Variants in LIPA observed in about 807,000 individuals in gnomAD.
LIPA encodes lipase A, lysosomal acid type, also known as lysosomal acid lipase/cholesteryl ester hydrolase.
A neutral mutation model predicts 40.6 loss-of-function variants in LIPA; 26 were observed. The observed-to-expected ratio is 0.64, with a 90% CI of 0.47 to 0.89. LIPA has a LOEUF of 0.89. LIPA is among the 40% of genes least tolerant of loss of function. LIPA has a pLI of 0.00. For synonymous variants in LIPA, 188 were observed against 168.4 expected (o/e 1.12, Z -0.90); for missense variants, 455 against 479.6 (o/e 0.95, Z 0.48).
chr10:89,355,766 G>A (rs1843985223), intron 2 of LIPA, among the ~76,000 whole-genome samples: 1 of 152,182 alleles, frequency 6.6e-6, no homozygotes, highest in Admixed American at 6.5e-5. Flanking sequence ...CTCATTATAT[G>A]CTAATTATAA....
chr10:89,406,525 T>C (rs541496431), intron 2 of LIPA: 3 of 152,410 alleles, frequency 2.0e-5, no homozygotes, highest in Admixed American at 1.3e-4. Context: ...GCTGTAACAC[T>C]CACCACGAAG....
chr10:89,407,256 C>A (rs776234954), intron 2 of LIPA, among the ~76,000 whole-genome samples: 7 of 152,166 alleles, frequency 4.6e-5, no homozygotes, highest in Non-Finnish European at 1.0e-4. Context: ...TCTACCCTAA[C>A]CCTTGCCTCC....
chr10:89,396,585 C>A (rs537961897), intron 2 of LIPA, among the ~76,000 whole-genome samples: 3 of 152,150 alleles, frequency 2.0e-5, no homozygotes, highest in Non-Finnish European at 4.4e-5. Context: ...AGAATGGCAC[C>A]AGGTCATTCA....
At chr10:89,271,927 A>G (rs979703717) in intron 1 of LIPA, among the ~76,000 whole-genome samples, 6 of 151,818 alleles carry the variant, frequency 4.0e-5, no homozygotes, top group African/African-American at 1.5e-4. Context: ...AAAACTAACC[A>G]GATACATTGT....
In LIPA at chr10:89,397,643, T is replaced by C. The variant is rs542953578; in HGVS notation, c.61+15148A>G. On this transcript the variant is annotated intron_variant, in intron 2 of 8. Coordinates refer to the LIPA transcript ENST00000371837. The stretch of plus-strand genomic sequence containing the variant: ...CTCCTGCCTTGGCCTCCCAAAGTGC[T>C]AAGATTATAGGCATGAGTCATTGTC... Among the ~76,000 whole-genome samples, 16 of 152,270 alleles carry C rather than the reference T, an allele frequency of 1.1e-4. 1 individual carries two copies. The highest frequency in any genetic ancestry group is 3.4e-3 in the Middle Eastern group (1 of 294).
chr10:89,222,442 G>C, intron 8 of LIPA, 69 bp downstream of exon 8: 1 of 941,184 alleles, frequency 1.1e-6, no homozygotes, highest in Non-Finnish European at 1.8e-6. Context: ...ATTTGGAAAG[G>C]GTTTGCATGC....
chr10:89,332,104 G>A (rs890469556), intron 1 of LIPA, among the ~76,000 whole-genome samples: 7 of 152,110 alleles, frequency 4.6e-5, no homozygotes, highest in African/African-American at 2.4e-5. Context: ...GGTGGTGCAC[G>A]TCTGTAATCC....
In LIPA at chr10:89,247,406, AAAAAAT is replaced by A. The variant is rs1416591844; in HGVS notation, c.111+126_111+131del. 1.5e-4 allele frequency: 82 copies of A among 552,300 alleles called. No homozygotes were observed. The African/African-American group carries it at 1.8e-3, about 12-fold the overall frequency. The allele number at this position is 552,300 out of a possible 1,614,324, so 34.2% of individuals were successfully genotyped here. On this transcript the variant is annotated intron_variant, in intron 2 of 9. Transcript: ENST00000336233. ...AAAAAAAAAAAAAAAAAAAAAAAAA[AAAAAAT>A]TCAGAGAAATTGAAAAGCAAAGGAG...
At chr10:89,266,057 CATATG>C (rs1243893708) in intron 1 of LIPA, among the ~76,000 whole-genome samples, 3 of 152,192 alleles carry the variant, frequency 2.0e-5, no homozygotes, top group Admixed American at 6.5e-5. Context: ...ATGTTTTCTA[CATATG>C]ATATATGTTT....
At chr10:89,367,523 T>C (rs1844064959) in intron 2 of LIPA, among the ~76,000 whole-genome samples, 1 of 152,236 alleles carries the variant, frequency 6.6e-6, no homozygotes, top group African/African-American at 2.4e-5. Context: ...ATATTGTTCC[T>C]TCTTGGTTAA....
At chr10:89,295,898 T>C (rs1185163553) in intron 1 of LIPA, among the ~76,000 whole-genome samples, 1 of 152,238 alleles carries the variant, frequency 6.6e-6, no homozygotes, top group African/African-American at 2.4e-5. Context: ...ACCCAGCTAC[T>C]AAATCAGCTG....
intron 3 of LIPA, among the ~76,000 whole-genome samples, chr10:89,239,735 T>G (rs1228813314): frequency 2.0e-5 from 3 of 152,230 alleles, no homozygotes; most frequent in Non-Finnish European, 4.4e-5. Flanking sequence ...ATTATCATAA[T>G]TAGAGTTTTC....
At chr10:89,385,160 G>A (rs1430255495) in intron 2 of LIPA, 1 of 159,302 alleles carries the variant, frequency 6.3e-6, no homozygotes, top group Non-Finnish European at 1.4e-5. Flanking sequence ...TTCCTGAGTG[G>A]TTACCCTCAA....
In LIPA at chr10:89,223,819, T is replaced by C; in HGVS notation, c.687A>G (p.Gly229=). 6.2e-7 allele frequency: 1 copy of C among 1,614,050 alleles called. No individual in the cohort carries two copies. The highest frequency in any genetic ancestry group is 8.5e-7 in the Non-Finnish European group (1 of 1,179,984). Residue 229 remains glycine (G), a synonymous_variant, in exon 7 of 10, where the codon GGA becomes GGG. Coordinates refer to ENST00000336233, the MANE Select transcript of LIPA (RefSeq NM_000235.4). ...CACTCTGGGGAAGAAATTCTTTGTC[T>C]CCAAATAAGTCCTACAAAATAAAAA... ...LPDHLIKDLF[G]DKEFLPQSAF...
At chr10:89,234,760 C>T (rs1027370096) in intron 3 of LIPA, among the ~76,000 whole-genome samples, 1 of 152,238 alleles carries the variant, frequency 6.6e-6, no homozygotes, top group Non-Finnish European at 1.5e-5. Flanking sequence ...TCACATCTTC[C>T]AGTGAACTAT....
At chr10:89,390,451 G>T (rs1045279660) in intron 2 of LIPA, among the ~76,000 whole-genome samples, 1 of 152,176 alleles carries the variant, frequency 6.6e-6, no homozygotes, top group Non-Finnish European at 1.5e-5. Context: ...CTCAGCTGAG[G>T]AAATTGAGAT....
chr10:89,226,420 A>G (rs1480269777), intron 5 of LIPA, among the ~76,000 whole-genome samples: 1 of 152,198 alleles, frequency 6.6e-6, no homozygotes, highest in African/African-American at 2.4e-5. Context: ...ATTTTCTTTA[A>G]TTTTGCTAAA....
intron 2 of LIPA, chr10:89,383,572 G>A: frequency 6.2e-7 from 1 of 1,614,212 alleles, no homozygotes; most frequent in Non-Finnish European, 8.5e-7. Context: ...GAAAGAACAT[G>A]CCAACCAAGC....
chr10:89,325,732 G>A (rs993324748), intron 1 of LIPA, among the ~76,000 whole-genome samples: 4 of 152,230 alleles, frequency 2.6e-5, no homozygotes, highest in Non-Finnish European at 5.9e-5. Context: ...TGAAGAGAGA[G>A]GACTGAAAAA....
Sources: allele counts gnomAD v4.1 joint callset (sites outside exome capture counted in the v4.1 genomes callset), GRCh38; gene constraint gnomAD v4.1.1; transcripts MANE v1.5; gene names NCBI Gene and HGNC (gene_info 2026-07-23, HGNC 2026-07-21).